The following SRP54 variants were observed in gnomAD, a reference collection of about 807,000 sequenced individuals.
The protein encoded by SRP54 is signal recognition particle 54, also known as signal recognition particle subunit SRP54.
A neutral mutation model predicts 64.8 loss-of-function variants in SRP54; 10 were observed. The ratio of observed to expected loss-of-function variants is 0.15; its 90% confidence interval spans 0.10 to 0.26. The LOEUF is 0.26. Among genes scored for constraint, SRP54 ranks in the 10% least tolerant of loss-of-function variants. The pLI, the probability that SRP54 is intolerant of heterozygous loss-of-function variation, is 1.00. For missense variants in SRP54, 325 were observed against 613.7 expected, an observed-to-expected ratio of 0.53 and a Z score of 4.97; for synonymous variants, 193 against 185.6, an observed-to-expected ratio of 1.04 and a Z score of -0.32.
In SRP54 at chr14:35,014,290, T is replaced by TTTTTTG. The variant is rs376712278; in HGVS notation, c.886+392_886+393insTGTTTT. ...TGCCACTTAACTTTTTTTTTTTTTT[T>TTTTTTG]TTTTGAGACGGAGTTTCGCTCTTGT... On this transcript the variant is annotated intron_variant, in intron 10 of 15. Coordinates refer to ENST00000216774, the MANE Select transcript of SRP54 (RefSeq NM_003136.4). Among the ~76,000 whole-genome samples, 47 of 127,342 alleles carry TTTTTTG rather than the reference T, an allele frequency of 3.7e-4. 1 individual carries two copies. Among genetic ancestry groups the TTTTTTG allele is most frequent in the South Asian group, 2.6e-3 (10 of 3,898 alleles). 83.5% of individuals were successfully genotyped at this position (127,342 alleles called of 152,430 possible).
At chr14:34,993,186 G>A (rs2044009658) in intron 1 of SRP54, 1 of 152,068 alleles carries the variant, frequency 6.6e-6, no homozygotes, top group Admixed American at 6.6e-5. Flanking sequence ...AATGAAAGAT[G>A]ATCTGTTTAT....
intron 11 of SRP54, 143 bp downstream of exon 11, chr14:35,014,973 A>G (rs139457564): frequency 5.2e-4 from 287 of 556,148 alleles, no homozygotes; most frequent in Non-Finnish European, 8.3e-4. Flanking sequence ...TTATATGCAA[A>G]TCATTTAAAA....
chr14:34,985,373 A>C (rs990053723), intron 1 of SRP54, among the ~76,000 whole-genome samples: 1 of 152,230 alleles, frequency 6.6e-6, no homozygotes, highest in African/African-American at 2.4e-5. Context: ...TCATTGGTTA[A>C]TGGCATCACT....
chr14:35,000,677 G>A (rs567356262), intron 3 of SRP54, among the ~76,000 whole-genome samples: 4 of 152,200 alleles, frequency 2.6e-5, no homozygotes, highest in African/African-American at 9.6e-5. Flanking sequence ...CTAGTTCTTT[G>A]TGGTAATATT....
intron 1 of SRP54, among the ~76,000 whole-genome samples, chr14:34,992,910 A>G (rs2044003896): frequency 6.6e-6 from 1 of 152,044 alleles, no homozygotes; most frequent in African/African-American, 2.4e-5. Context: ...ACTCCATCTC[A>G]TCACAGTGAT....
chr14:35,000,645 G>A (rs1164913820), intron 3 of SRP54, among the ~76,000 whole-genome samples: 1 of 151,858 alleles, frequency 6.6e-6, no homozygotes, highest in East Asian at 1.9e-4. Context: ...AAATATATAA[G>A]CTGCAAGAAA....
In SRP54 at chr14:34,996,757, G is replaced by A. The variant is rs17849754; in HGVS notation, c.48G>A (p.Ser16=). Residue 16 remains serine (S), a synonymous_variant, in exon 2 of 16, where the codon TCG becomes TCA. Coordinates refer to ENST00000216774, the MANE Select transcript of SRP54 (RefSeq NM_003136.4). ...LGRKITSALR[S]LSNATIINEE... ...GAAAAATAACATCAGCATTACGCTC[G>A]TTGAGCAATGCCACCATTATCAATG... 7.2e-4 allele frequency: 1,167 copies of A among 1,612,946 alleles called. 12 individuals carry two copies. The African/African-American group carries it at 0.014, about 19-fold the overall frequency.
At chr14:35,007,429 G>C in intron 5 of SRP54, 42 bp downstream of exon 5, 1 of 1,298,648 alleles carries the variant, frequency 7.7e-7, no homozygotes, top group Non-Finnish European at 1.0e-6. Context: ...ATGGAAGATA[G>C]GTTTGTATAA....
intron 14 of SRP54, 52 bp from the exon 15 acceptor site, chr14:35,028,036 T>G (rs1366388582): frequency 8.2e-7 from 1 of 1,226,864 alleles, no homozygotes; most frequent in Non-Finnish European, 1.2e-6. Flanking sequence ...CTGATTATAC[T>G]GATTATATTA....
chr14:35,028,079 T>TTTC lies in SRP54; in HGVS notation c.1328-9_1328-8insTTC. The stretch of plus-strand genomic sequence containing the variant: ...CGCTGACTCAAAATCTTTTTTTTTT[T>TTTC]CCCCTCAGGTGGCGACATGTCTAAG... On this transcript the variant is annotated splice_polypyrimidine_tract_variant and intron_variant, in intron 14 of 15. Transcript: ENST00000216774. 1 of 1,582,498 alleles carries TTTC rather than the reference T, an allele frequency of 6.3e-7. No individual in the cohort carries two copies. Among genetic ancestry groups the TTTC allele is most frequent in the East Asian group, 2.3e-5 (1 of 44,402 alleles).
intron 14 of SRP54, among the ~76,000 whole-genome samples, chr14:35,023,437 G>C (rs1055974854): frequency 6.6e-6 from 1 of 151,782 alleles, no homozygotes; most frequent in Admixed American, 6.6e-5. Flanking sequence ...CTATAACTAA[G>C]TTTTCTTCTG....
intron 1 of SRP54, 147 bp downstream of exon 1, chr14:34,983,362 A>C (rs1310712507): frequency 9.1e-6 from 1 of 109,672 alleles, no homozygotes; most frequent in Non-Finnish European, 2.2e-5. Flanking sequence ...GTGGCTCTTT[A>C]TCTCGTCTTC....
intron 1 of SRP54, among the ~76,000 whole-genome samples, chr14:34,986,986 A>T (rs1217392714): frequency 6.6e-6 from 1 of 151,760 alleles, no homozygotes; most frequent in Non-Finnish European, 1.5e-5. Context: ...CTGTCCCAAC[A>T]CTTTGGGAGG....
chr14:35,020,534 A>G (rs2044512508), intron 13 of SRP54, among the ~76,000 whole-genome samples: 1 of 152,240 alleles, frequency 6.6e-6, no homozygotes, highest in Non-Finnish European at 1.5e-5. Context: ...TAATATTCTA[A>G]CAATTTGAAC....
intron 1 of SRP54, among the ~76,000 whole-genome samples, chr14:34,989,761 A>G (rs904948443): frequency 9.9e-5 from 15 of 152,162 alleles, no homozygotes; most frequent in African/African-American, 3.6e-4. Context: ...TCCATATAAT[A>G]CAGAGAGAGA....
chr14:34,988,169 A>G (rs1033368675), intron 1 of SRP54, among the ~76,000 whole-genome samples: 36 of 152,318 alleles, frequency 2.4e-4, no homozygotes, highest in African/African-American at 8.7e-4. Context: ...ATCACAGAAC[A>G]TAAAGGTGAA....
At chr14:35,020,162 G>A (rs2044503814) in intron 13 of SRP54, among the ~76,000 whole-genome samples, 1 of 151,934 alleles carries the variant, frequency 6.6e-6, no homozygotes, top group South Asian at 2.1e-4. Context: ...TCCAGCCTGG[G>A]CGACAGAGTG....
intron 4 of SRP54, among the ~76,000 whole-genome samples, chr14:35,002,354 TAAAA>T (rs887673231): frequency 6.6e-6 from 1 of 150,562 alleles, no homozygotes; most frequent in South Asian, 2.1e-4. Context: ...ACCCTGTCTT[TAAAA>T]AAAAACAAAC....
chr14:34,983,944 AC>A (rs1383895173), intron 1 of SRP54, among the ~76,000 whole-genome samples: 2 of 152,136 alleles, frequency 1.3e-5, no homozygotes, highest in Non-Finnish European at 2.9e-5. Flanking sequence ...GTGCTTTGTG[AC>A]CCTGAGCCAG....
Sources: gnomAD v4.1 joint callset for allele counts (sites outside exome capture counted in the v4.1 genomes callset) on GRCh38, gnomAD v4.1.1 for gene constraint, MANE v1.5 for transcripts, NCBI Gene and HGNC (gene_info 2026-07-23, HGNC 2026-07-21) for gene names.